Variants in ATP1B3 observed in about 807,000 individuals in gnomAD.
ATP1B3 encodes sodium/potassium-transporting ATPase subunit beta-3.
In ATP1B3, 10 loss-of-function variants were observed where a neutral mutation model predicts 30.2. The ratio of observed to expected loss-of-function variants is 0.33; its 90% confidence interval spans 0.20 to 0.56. The LOEUF is 0.56. Ranked by LOEUF, ATP1B3 falls within the 20% of genes least tolerant of loss-of-function variation. The pLI is 0.90. For synonymous variants in ATP1B3, 113 were observed against 117.0 expected (o/e 0.97, Z 0.22); for missense variants, 238 against 336.7 (o/e 0.71, Z 2.29).
chr3:141,890,942 A>G (rs1309416197), intron 1 of ATP1B3, among the ~76,000 whole-genome samples: 1 of 152,186 alleles, frequency 6.6e-6, no homozygotes, highest in Non-Finnish European at 1.5e-5. Context: ...TTATACTTGT[A>G]AATATTCTTT....
At position 141,925,819 on chromosome 3, in the gene ATP1B3, C is replaced by G; in HGVS notation, c.*118C>G. 1 of 1,233,066 alleles carries G rather than the reference C, an allele frequency of 8.1e-7. No individual in the cohort carries two copies. The highest frequency in any genetic ancestry group is 1.1e-6 in the Non-Finnish European group (1 of 881,474). The allele number at this position is 1,233,066 out of a possible 1,614,324, so 76.4% of individuals were successfully genotyped here. ...TTGGAGAAAGGTGTGTGGTACATGA[C>G]ATTGGGTTACATCATAACGTGCTTC... On this transcript the variant is annotated 3_prime_UTR_variant, in exon 7 of 7. Transcript: ENST00000286371.
chr3:141,884,902 C>T (rs2107764066), intron 1 of ATP1B3, among the ~76,000 whole-genome samples: 1 of 152,302 alleles, frequency 6.6e-6, no homozygotes, highest in Admixed American at 6.5e-5. Flanking sequence ...ATAACAACTG[C>T]AAAGATCATT....
chr3:141,887,935 C>T (rs561139941), intron 1 of ATP1B3, among the ~76,000 whole-genome samples: 4 of 152,246 alleles, frequency 2.6e-5, no homozygotes, highest in East Asian at 1.9e-4. Context: ...AGGGACGTGA[C>T]GGAACTTTCA....
Position 141,902,070 on chromosome 3 carries a change from G to A in ATP1B3, c.110-1550G>A, listed in dbSNP as rs1934173551. The stretch of plus-strand genomic sequence containing the variant: ...AAACTGGCCTGTGGGCTTTCTGTGT[G>A]TTTCATTTCCCTCTATAGCAAACTG... On this transcript the variant is annotated intron_variant, in intron 1 of 6. Transcript: ENST00000286371. The A allele has an allele frequency of 2.5e-6, 3 of 1,194,686 alleles. No homozygotes were observed. In the Middle Eastern group the frequency reaches 6.6e-4, roughly 263 times the overall value. 74.0% of individuals were successfully genotyped at this position (1,194,686 alleles called of 1,614,324 possible). A position where few individuals can be genotyped will look rare whatever the true frequency, so the allele number is the denominator to read the frequency against.
chr3:141,905,929 T>C (rs944799318), intron 2 of ATP1B3, among the ~76,000 whole-genome samples: 2 of 152,044 alleles, frequency 1.3e-5, no homozygotes, highest in Non-Finnish European at 2.9e-5. Context: ...TTTAAATAAA[T>C]ATACATGCAT....
At chr3:141,891,702 G>A (rs4683643) in intron 1 of ATP1B3, among the ~76,000 whole-genome samples, 16,339 of 151,798 alleles carry the variant, frequency 0.11, 1,076 homozygotes, top group Middle Eastern at 0.16. Context: ...TTTGTTAGTC[G>A]TATATTTTAA....
At chr3:141,910,146 A>G (rs1934334613) in intron 3 of ATP1B3, among the ~76,000 whole-genome samples, 1 of 151,746 alleles carries the variant, frequency 6.6e-6, no homozygotes, top group Non-Finnish European at 1.5e-5. Flanking sequence ...TAATTTTTTA[A>G]TTTTTTGTAG....
intron 6 of ATP1B3, among the ~76,000 whole-genome samples, chr3:141,922,605 A>G (rs2107780524): frequency 6.6e-6 from 1 of 151,732 alleles, no homozygotes; most frequent in East Asian, 1.9e-4. Context: ...GTGAGCCAAG[A>G]TTGTACCACC....
chr3:141,892,197 A>G (rs779762105), intron 1 of ATP1B3, among the ~76,000 whole-genome samples: 2 of 152,164 alleles, frequency 1.3e-5, no homozygotes, highest in South Asian at 2.1e-4. Flanking sequence ...GTTCATGGCT[A>G]TTATGCTGTA....
At chr3:141,882,389 C>G (rs1161055405) in intron 1 of ATP1B3, among the ~76,000 whole-genome samples, 3 of 152,200 alleles carry the variant, frequency 2.0e-5, no homozygotes, top group Non-Finnish European at 2.9e-5. Context: ...AATACCTGAT[C>G]TTATCATTTA....
At chr3:141,916,630 C>T (rs1320269240) in intron 5 of ATP1B3, 1 of 1,091,850 alleles carries the variant, frequency 9.2e-7, no homozygotes, top group Non-Finnish European at 1.2e-6. Flanking sequence ...TAAATATTAA[C>T]ATTTCAACTC....
intron 1 of ATP1B3, among the ~76,000 whole-genome samples, chr3:141,887,696 T>G (rs988623307): frequency 1.3e-5 from 2 of 152,188 alleles, no homozygotes; most frequent in Non-Finnish European, 2.9e-5. Context: ...TAAACTTGCA[T>G]GTCTACACAA....
At chr3:141,906,471 C>T (rs1253541809) in intron 2 of ATP1B3, among the ~76,000 whole-genome samples, 1 of 152,220 alleles carries the variant, frequency 6.6e-6, no homozygotes, top group Non-Finnish European at 1.5e-5. Context: ...TGAACCACTG[C>T]ACGCAGCTGA....
intron 1 of ATP1B3, among the ~76,000 whole-genome samples, chr3:141,893,652 A>G (rs931225989): frequency 2.0e-5 from 3 of 152,200 alleles, no homozygotes; most frequent in Non-Finnish European, 2.9e-5. Flanking sequence ...TTAACATACA[A>G]TAAACTGCAC....
chr3:141,924,204 C>T (rs562866998), intron 6 of ATP1B3, among the ~76,000 whole-genome samples: 89 of 151,716 alleles, frequency 5.9e-4, no homozygotes, highest in African/African-American at 1.8e-3. Context: ...ATTAGCTGAC[C>T]GTGGTGGCAC....
chr3:141,876,820 A>T lies in ATP1B3; in HGVS notation c.19A>T (p.Lys7Ter), dbSNP rs750754561. Residue 7 changes from lysine to a stop codon, truncating the protein, a stop_gained, in exon 1 of 7, where the codon AAG becomes TAG. Transcript: ENST00000286371. LOFTEE classifies it high-confidence loss of function. ...GCACACCATGACGAAGAACGAGAAG[A>T]AGTCCCTCAACCAGAGCCTGGCCGA... The part of the protein sequence containing the change: MTKNEK[K>*]SLNQSLAEWK... 5 of 1,589,160 alleles carry T rather than the reference A, an allele frequency of 3.1e-6. No homozygotes were observed. Among genetic ancestry groups the T allele is most frequent in the Non-Finnish European group, 4.3e-6 (5 of 1,167,256 alleles).
intron 2 of ATP1B3, among the ~76,000 whole-genome samples, chr3:141,904,612 A>C (rs1165145971): frequency 1.3e-5 from 2 of 151,988 alleles, no homozygotes; most frequent in African/African-American, 4.8e-5. Flanking sequence ...TTCTGGAAAA[A>C]AAATTCATTA....
chr3:141,912,266 CTTATTTAT>C (rs144027846), intron 3 of ATP1B3, among the ~76,000 whole-genome samples: 2 of 150,372 alleles, frequency 1.3e-5, no homozygotes, highest in Non-Finnish European at 2.9e-5. Flanking sequence ...AAATTTGGTT[CTTATTTAT>C]TTATTTATTT....
chr3:141,897,438 G>C, intron 1 of ATP1B3, among the ~76,000 whole-genome samples: 1 of 152,114 alleles, frequency 6.6e-6, no homozygotes, highest in Admixed American at 6.5e-5. Flanking sequence ...GAGTAACACA[G>C]AATACTTGAA....
Sources: gnomAD v4.1 joint callset for allele counts (sites outside exome capture counted in the v4.1 genomes callset) on GRCh38, gnomAD v4.1.1 for gene constraint, MANE v1.5 for transcripts, NCBI Gene and HGNC (gene_info 2026-07-23, HGNC 2026-07-21) for gene names.